ANKFN1: variants seen among roughly 807,000 people sequenced by gnomAD.
The protein encoded by ANKFN1 is ankyrin repeat and fibronectin type-III domain-containing protein 1.
In ANKFN1, 74 loss-of-function variants were observed where a neutral mutation model predicts 108.7. The ratio of observed to expected loss-of-function variants is 0.68; its 90% confidence interval spans 0.56 to 0.83. The LOEUF is 0.83. Among genes scored for constraint, ANKFN1 ranks in the 40% least tolerant of loss-of-function variants. ANKFN1 has a pLI of 0.00. For missense variants in ANKFN1, 1,505 were observed against 1,382.3 expected (o/e 1.09, Z -1.41); for synonymous variants, 547 against 516.2 (o/e 1.06, Z -0.81).
intron 8 of ANKFN1, among the ~76,000 whole-genome samples, chr17:56,386,098 T>A (rs2047258668): frequency 6.6e-6 from 1 of 151,868 alleles, no homozygotes; most frequent in African/African-American, 2.4e-5. Context: ...TAGACTGGAT[T>A]AAGAAAATGT....
At chr17:56,183,942 C>A (rs941117671) in intron 1 of ANKFN1, among the ~76,000 whole-genome samples, 2 of 152,146 alleles carry the variant, frequency 1.3e-5, no homozygotes, top group Non-Finnish European at 2.9e-5. Flanking sequence ...TCTCATGATA[C>A]ATCTTGAATG....
chr17:56,148,435 G>T (rs1002316789), intron 4 of ANKFN1, among the ~76,000 whole-genome samples: 4 of 152,304 alleles, frequency 2.6e-5, no homozygotes, highest in Middle Eastern at 6.8e-3. Context: ...TTCACATTTG[G>T]GTTTGTTTGA....
intron 11 of ANKFN1, among the ~76,000 whole-genome samples, chr17:56,450,617 CATTT>C (rs2049450481): frequency 1.3e-5 from 2 of 152,170 alleles, no homozygotes. Context: ...ATTGAGGGCT[CATTT>C]AACCAGGCCA....
intron 11 of ANKFN1, among the ~76,000 whole-genome samples, chr17:56,454,039 TG>T (rs1480624010): frequency 6.6e-6 from 1 of 152,208 alleles, no homozygotes; most frequent in East Asian, 1.9e-4. Context: ...CCTTCAATTG[TG>T]AGACATTTTC....
intron 8 of ANKFN1, among the ~76,000 whole-genome samples, chr17:56,407,428 A>G (rs931044935): frequency 6.6e-6 from 1 of 152,234 alleles, no homozygotes; most frequent in African/African-American, 2.4e-5. Context: ...TCAGGTTCAG[A>G]AAAATTAAGA....
At chr17:56,142,141 G>C (rs1458734842) in intron 4 of ANKFN1, among the ~76,000 whole-genome samples, 1 of 151,964 alleles carries the variant, frequency 6.6e-6, no homozygotes, top group Non-Finnish European at 1.5e-5. Flanking sequence ...ATGTTGGACA[G>C]GATGGTTTCG....
chr17:56,195,943 T>C (rs1407039584), intron 1 of ANKFN1, among the ~76,000 whole-genome samples: 3 of 152,156 alleles, frequency 2.0e-5, no homozygotes, highest in Non-Finnish European at 4.4e-5. Context: ...ACACTACTTA[T>C]TAACATAAAA....
chr17:56,258,924 GTAAATAAA>G (rs566587017), intron 3 of ANKFN1, among the ~76,000 whole-genome samples: 25 of 151,846 alleles, frequency 1.6e-4, no homozygotes, highest in East Asian at 7.7e-4. Context: ...AAATAAATAA[GTAAATAAA>G]TAAATAAATA....
Position 56,130,195 on chromosome 17 carries a change from T to A in ANKFN1, c.288+83870T>A, listed in dbSNP as rs1000557169. On this transcript the variant is annotated intron_variant, in intron 4 of 12. Coordinates refer to the ANKFN1 transcript ENST00000635860. Reference sequence around the variant, plus strand: ...CTAATTAGAGCAGCAATGCTCGCATTCATAATGAAGCTCGTGTCTTGCTCA... The same window carrying A: ...CTAATTAGAGCAGCAATGCTCGCATACATAATGAAGCTCGTGTCTTGCTCA... 3.3e-5 allele frequency among the ~76,000 whole-genome samples: 5 copies of A among 152,202 alleles called. No individual in the cohort carries two copies. The East Asian group carries it at 9.6e-4, about 29-fold the overall frequency.
intron 15 of ANKFN1, among the ~76,000 whole-genome samples, chr17:56,467,787 GAAAGAAGAAAGAAAGAAAGAAAGAAAGA>G (rs1337232215): frequency 9.7e-4 from 73 of 75,540 alleles, no homozygotes; most frequent in Middle Eastern, 5.7e-3. Flanking sequence ...AAGAAAGAAA[GAAAGAAGAAAGAAAGAAAGAAAGAAAGA>G]AAGAAAGAAA....
chr17:56,411,545 T>C (rs2048089366), intron 8 of ANKFN1, among the ~76,000 whole-genome samples: 1 of 152,230 alleles, frequency 6.6e-6, no homozygotes, highest in Non-Finnish European at 1.5e-5. Context: ...ATGGAAAGAA[T>C]GGGCATCCTT....
intron 2 of ANKFN1, among the ~76,000 whole-genome samples, chr17:56,223,274 G>A (rs1367030533): frequency 2.0e-5 from 3 of 152,300 alleles, no homozygotes; most frequent in South Asian, 2.1e-4. Context: ...TGGGCAAAGC[G>A]TTCACTTCTT....
Position 56,510,842 on chromosome 17 carries a change from A to AC in ANKFN1, c.3019dup (p.His1007ProfsTer25), listed in dbSNP as rs1306040999. 5 of 1,535,812 alleles carry AC rather than the reference A, an allele frequency of 3.3e-6. No individual in the cohort carries two copies. Among genetic ancestry groups the AC allele is most frequent in the African/African-American group, 1.4e-5 (1 of 72,976 alleles). ...CTGGGAAAGCGGAAGCCAGGCAAGC[A>AC]CCCCCACTATGGCGGCTTCAGCCGC... On this transcript the variant is annotated frameshift_variant, in exon 21 of 21. Transcript: ENST00000682825. LOFTEE classifies it low-confidence loss of function (END_TRUNC).
chr17:56,225,655 G>A (rs1198273554), intron 2 of ANKFN1, among the ~76,000 whole-genome samples: 1 of 152,202 alleles, frequency 6.6e-6, no homozygotes, highest in Non-Finnish European at 1.5e-5. Flanking sequence ...TCTCCTTTAA[G>A]AATTCAGGTT....
intron 4 of ANKFN1, among the ~76,000 whole-genome samples, chr17:56,134,710 A>G (rs1907493830): frequency 6.6e-6 from 1 of 152,180 alleles, no homozygotes; most frequent in Non-Finnish European, 1.5e-5. Flanking sequence ...TAGACAGAAA[A>G]TCAACTAATT....
At chr17:56,158,916 C>T (rs1193618716) in intron 1 of ANKFN1, among the ~76,000 whole-genome samples, 1 of 150,004 alleles carries the variant, frequency 6.7e-6, no homozygotes, top group Non-Finnish European at 1.5e-5. Context: ...CAGAAGTAAA[C>T]TAATATAGAA....
intron 3 of ANKFN1, chr17:56,323,079 T>C (rs1479227928): frequency 6.6e-6 from 1 of 152,172 alleles, no homozygotes; most frequent in Non-Finnish European, 1.5e-5. Flanking sequence ...ATTGAATCAG[T>C]GAGACACATT....
At chr17:56,267,677 C>T (rs1313682191) in intron 3 of ANKFN1, among the ~76,000 whole-genome samples, 3 of 152,158 alleles carry the variant, frequency 2.0e-5, no homozygotes, top group Non-Finnish European at 4.4e-5. Context: ...TTGTTATTGT[C>T]AACTTTGTGA....
rs752576390 is a variant in ANKFN1 at position 56,328,950 on chromosome 17, G to A, written c.188+2595G>A. 1.1e-3 allele frequency among the ~76,000 whole-genome samples: 171 copies of A among 151,972 alleles called. 1 individual carries two copies. Among genetic ancestry groups the A allele is most frequent in the Admixed American group, 2.0e-3 (30 of 15,242 alleles). On this transcript the variant is annotated intron_variant, in intron 4 of 20. Coordinates refer to ENST00000682825, the MANE Select transcript of ANKFN1 (RefSeq NM_001370326.1). ...CTGTCCAGCCCACCCCATCCCCATT[G>A]CCACAAGCTTTAGTTGAAGTCACCA...
Sources: gnomAD v4.1 joint callset for allele counts (sites outside exome capture counted in the v4.1 genomes callset) on GRCh38, gnomAD v4.1.1 for gene constraint, MANE v1.5 for transcripts, NCBI Gene and HGNC (gene_info 2026-07-23, HGNC 2026-07-21) for gene names.